The following DCC variants were observed in gnomAD, a reference collection of about 807,000 sequenced individuals.
DCC encodes the protein netrin receptor DCC.
Under a neutral mutation model 172.5 loss-of-function variants are expected in DCC, and 58 were observed. The ratio of observed to expected loss-of-function variants is 0.34; its 90% CI spans 0.27 to 0.42. DCC has a LOEUF of 0.42. DCC is among the 10% of genes least tolerant of loss of function. DCC has a pLI of 1.00. For synonymous variants in DCC, 709 were observed against 644.5 expected (o/e 1.10, Z -1.52); for missense variants, 1,740 against 1,791.0 (o/e 0.97, Z 0.51).
At chr18:52,985,449 C>T (rs578258835) in intron 5 of DCC, among the ~76,000 whole-genome samples, 28 of 152,114 alleles carry the variant, frequency 1.8e-4, no homozygotes, top group African/African-American at 6.3e-4. Context: ...CAATTTAATT[C>T]TCCTTCCTTT....
intron 8 of DCC, among the ~76,000 whole-genome samples, chr18:53,164,441 A>C (rs2054887091): frequency 6.6e-6 from 1 of 152,142 alleles, no homozygotes; most frequent in Non-Finnish European, 1.5e-5. Context: ...TATAAAAAGA[A>C]CATTATACCT....
chr18:52,984,391 T>C (rs2041259878), intron 5 of DCC, among the ~76,000 whole-genome samples: 1 of 152,098 alleles, frequency 6.6e-6, no homozygotes, highest in Non-Finnish European at 1.5e-5. Flanking sequence ...AAACCACTCA[T>C]TGGATTTTTC....
At chr18:52,534,023 C>T (rs1144069) in intron 1 of DCC, among the ~76,000 whole-genome samples, 37,874 of 151,904 alleles carry the variant, frequency 0.25, 4,859 homozygotes, top group African/African-American at 0.31. Context: ...TATGTTGTGG[C>T]GTGCTTTAGT....
At position 53,107,960 on chromosome 18, in the gene DCC, T is replaced by A. The variant is rs1240522960; in HGVS notation, c.1261+41794T>A. On this transcript the variant is annotated intron_variant, in intron 7 of 28. Transcript: ENST00000442544. ...TCTCACTGTTCTCTTTCACTTCTTT[T>A]TTCTCTTTACTACCCTCAAATAGAT... is the stretch of plus-strand genomic sequence containing the variant. Among the ~76,000 whole-genome samples, 3 of 151,876 alleles carry A rather than the reference T, an allele frequency of 2.0e-5. No individual in the cohort carries two copies. The East Asian group carries it at 5.8e-4, about 29-fold the overall frequency.
intron 2 of DCC, among the ~76,000 whole-genome samples, chr18:52,797,434 T>C (rs866664951): frequency 4.6e-5 from 7 of 152,240 alleles, no homozygotes; most frequent in Non-Finnish European, 1.0e-4. Flanking sequence ...AGATGTATTA[T>C]AGTATTGGTT....
rs370550413 is a variant in DCC, at chr18:52,677,497, T to A, written c.92-74557T>A. Among the ~76,000 whole-genome samples the A allele has an allele frequency of 9.9e-4, 151 of 152,032 alleles. 4 individuals are homozygous for A. In the South Asian group the frequency reaches 0.03, roughly 31 times the overall value. Reference sequence around the variant, plus strand: ...GATGCTTCTTTTTTTATATATATTTTTTATTATTATTGTTTCTATTGTTAT... The same window carrying A: ...GATGCTTCTTTTTTTATATATATTTATTATTATTATTGTTTCTATTGTTAT... On this transcript the variant is annotated intron_variant, in intron 1 of 28. Transcript: ENST00000442544.
intron 5 of DCC, among the ~76,000 whole-genome samples, chr18:53,042,416 A>T (rs191722988): frequency 6.6e-6 from 1 of 151,918 alleles, no homozygotes; most frequent in African/African-American, 2.4e-5. Context: ...CCAGTATTTT[A>T]TTGAGGATTT....
intron 2 of DCC, among the ~76,000 whole-genome samples, chr18:52,773,504 A>C (rs949660599): frequency 5.0e-5 from 5 of 100,614 alleles, no homozygotes; most frequent in African/African-American, 1.4e-4. Context: ...ATATCTCTAT[A>C]TATCTATATC....
At chr18:52,942,152 G>T (rs2040474079) in intron 5 of DCC, among the ~76,000 whole-genome samples, 1 of 152,082 alleles carries the variant, frequency 6.6e-6, no homozygotes, top group African/African-American at 2.4e-5. Flanking sequence ...CTGTTGGTTT[G>T]AGATAGGTAT....
chr18:52,723,418 G>A (rs1599048854), intron 1 of DCC, among the ~76,000 whole-genome samples: 1 of 152,202 alleles, frequency 6.6e-6, no homozygotes, highest in South Asian at 2.1e-4. Flanking sequence ...TTGCAGATCA[G>A]TGAGGAGCCA....
At chr18:52,866,565 G>A (rs751343872) in intron 2 of DCC, among the ~76,000 whole-genome samples, 3 of 152,128 alleles carry the variant, frequency 2.0e-5, no homozygotes, top group Non-Finnish European at 4.4e-5. Context: ...ATTTCCTTGA[G>A]CAGTGGTTTG....
At chr18:52,908,381 C>T (rs2039921629) in intron 3 of DCC, among the ~76,000 whole-genome samples, 1 of 152,108 alleles carries the variant, frequency 6.6e-6, no homozygotes, top group Non-Finnish European at 1.5e-5. Context: ...CATTTATTCC[C>T]AAAACATACA....
intron 14 of DCC, among the ~76,000 whole-genome samples, chr18:53,324,180 A>G (rs2057441861): frequency 6.6e-6 from 1 of 152,244 alleles, no homozygotes; most frequent in African/African-American, 2.4e-5. Context: ...AGGAGTTTAA[A>G]AAAAGTAACT....
intron 9 of DCC, among the ~76,000 whole-genome samples, chr18:53,185,706 G>A (rs146742952): frequency 2.4e-4 from 36 of 152,230 alleles, no homozygotes; most frequent in African/African-American, 7.2e-4. Context: ...GCTGGTAAAC[G>A]AGGATACAAA....
chr18:52,810,194 C>G (rs1376519375), intron 2 of DCC, among the ~76,000 whole-genome samples: 1 of 152,120 alleles, frequency 6.6e-6, no homozygotes, highest in Non-Finnish European at 1.5e-5. Flanking sequence ...GAAAGCATCA[C>G]CAATGACCCA....
At chr18:52,469,075 A>ATTTG (rs983770074) in intron 1 of DCC, among the ~76,000 whole-genome samples, 3 of 149,976 alleles carry the variant, frequency 2.0e-5, no homozygotes, top group Admixed American at 6.7e-5. Flanking sequence ...TTATTTATTT[A>ATTTG]GAGACAGAGT....
chr18:53,013,813 C>T (rs954414199), intron 5 of DCC, among the ~76,000 whole-genome samples: 1 of 151,964 alleles, frequency 6.6e-6, no homozygotes, highest in Non-Finnish European at 1.5e-5. Context: ...CTCTTATTTC[C>T]TTGGGAATAA....
chr18:52,808,809 G>T (rs1271108258), intron 2 of DCC, among the ~76,000 whole-genome samples: 1 of 152,154 alleles, frequency 6.6e-6, no homozygotes, highest in African/African-American at 2.4e-5. Context: ...TCTTTTGATT[G>T]TCAGTTTTCT....
intron 1 of DCC, among the ~76,000 whole-genome samples, chr18:52,716,013 C>T (rs2036375277): frequency 1.3e-5 from 2 of 152,044 alleles, no homozygotes; most frequent in African/African-American, 4.8e-5. Flanking sequence ...GTTTCCTCAT[C>T]TGTAAAAAGA....
Sources: gnomAD v4.1 joint callset for allele counts (sites outside exome capture counted in the v4.1 genomes callset) on GRCh38, gnomAD v4.1.1 for gene constraint, MANE v1.5 for transcripts, NCBI Gene and HGNC (gene_info 2026-07-23, HGNC 2026-07-21) for gene names.